The following PARN variants were observed in gnomAD, a reference collection of about 807,000 sequenced individuals.
The protein encoded by PARN is poly(A)-specific ribonuclease.
PARN carries 71 observed loss-of-function variants against 102.8 expected under a neutral mutation model. The ratio of observed to expected loss-of-function variants is 0.69; its 90% CI spans 0.57 to 0.84. The LOEUF is 0.84. PARN is among the 40% of genes least tolerant of loss of function. The pLI, the probability that PARN is intolerant of heterozygous loss-of-function variation, is 0.00. For synonymous variants in PARN, 261 were observed against 252.9 expected (o/e 1.03, Z -0.30); for missense variants, 782 against 760.9 (o/e 1.03, Z -0.33).
chr16:14,467,877 C>G (rs553383143), intron 22 of PARN, among the ~76,000 whole-genome samples: 3 of 152,212 alleles, frequency 2.0e-5, no homozygotes, highest in Non-Finnish European at 4.4e-5. Flanking sequence ...CTGAGCAGGA[C>G]AGTGAGTGGG....
chr16:14,560,755 G>A (rs1381090973), intron 18 of PARN, among the ~76,000 whole-genome samples: 2 of 152,220 alleles, frequency 1.3e-5, no homozygotes, highest in African/African-American at 2.4e-5. Flanking sequence ...AGGCTACACA[G>A]CATACGCTAC....
chr16:14,553,383 T>A (rs1967450834), intron 20 of PARN, among the ~76,000 whole-genome samples: 1 of 152,032 alleles, frequency 6.6e-6, no homozygotes, highest in African/African-American at 2.4e-5. Flanking sequence ...TTTAATAAAC[T>A]CCTCAAATAT....
chr16:14,526,769 G>C (rs1966034061), intron 21 of PARN, among the ~76,000 whole-genome samples: 1 of 152,182 alleles, frequency 6.6e-6, no homozygotes, highest in Non-Finnish European at 1.5e-5. Flanking sequence ...TCCAGTACTT[G>C]GAGCCGTCCA....
chr16:14,584,477 TAA>T, intron 15 of PARN, 55 bp from the exon 16 acceptor site: 1 of 1,419,092 alleles, frequency 7.0e-7, no homozygotes, highest in Non-Finnish European at 9.9e-7. Flanking sequence ...AACAATATAT[TAA>T]AGAGATTCAC....
At position 14,559,780 on chromosome 16, in the gene PARN, C is replaced by T. The variant is rs191097991; in HGVS notation, c.1263-4071G>A. Among the ~76,000 whole-genome samples the T allele has an allele frequency of 5.9e-5, 9 of 152,298 alleles. No individual in the cohort carries two copies. In the East Asian group the frequency reaches 1.4e-3, roughly 23 times the overall value. ...ATTAATAGCACTTCTCACTCTTTCC[C>T]TATACCTTCACCTTCACATCTGGGG... On this transcript the variant is annotated intron_variant, in intron 18 of 23. Transcript: ENST00000437198.
chr16:14,584,826 A>G (rs750729749), intron 14 of PARN, 35 bp from the exon 15 acceptor site: 9 of 1,197,522 alleles, frequency 7.5e-6, no homozygotes, highest in Admixed American at 7.5e-5. Context: ...AACAAAATGT[A>G]TATCAATGTT....
intron 21 of PARN, among the ~76,000 whole-genome samples, chr16:14,502,661 T>C (rs992831747): frequency 3.9e-5 from 6 of 152,254 alleles, no homozygotes; most frequent in Non-Finnish European, 8.8e-5. Flanking sequence ...CAAAATGTTA[T>C]GATGTAACTC....
chr16:14,554,942 C>T (rs1967568266), intron 19 of PARN, among the ~76,000 whole-genome samples: 1 of 152,184 alleles, frequency 6.6e-6, no homozygotes, highest in South Asian at 2.1e-4. Context: ...ATTTGTGCAG[C>T]TCTAAGCAAG....
At chr16:14,584,534 G>A (rs998652176) in intron 15 of PARN, 112 bp from the exon 16 acceptor site, 2 of 872,492 alleles carry the variant, frequency 2.3e-6, no homozygotes, top group South Asian at 3.3e-5. Flanking sequence ...GTCTCCTTGT[G>A]TTCTTTAAAG....
chr16:14,548,326 A>G (rs1280265122), intron 21 of PARN, among the ~76,000 whole-genome samples: 1 of 152,160 alleles, frequency 6.6e-6, no homozygotes, highest in East Asian at 1.9e-4. Flanking sequence ...CACCATTATA[A>G]AGAACAAATT....
At chr16:14,610,570 G>A in intron 7 of PARN, 74 bp downstream of exon 7, 1 of 888,796 alleles carries the variant, frequency 1.1e-6, no homozygotes, top group East Asian at 2.4e-5. Flanking sequence ...TAAAGCACAG[G>A]TTTGAGATAT....
In PARN at chr16:14,482,664, CAGGG is replaced by C; in HGVS notation, c.1640_1643del (p.Thr547SerfsTer17). The C allele has an allele frequency of 6.2e-7, 1 of 1,607,488 alleles. No homozygotes were observed. The highest frequency in any genetic ancestry group is 8.5e-7 in the Non-Finnish European group (1 of 1,177,686). On this transcript the variant is annotated frameshift_variant, in exon 22 of 24. Coordinates refer to ENST00000437198, the MANE Select transcript of PARN (RefSeq NM_002582.4). LOFTEE classifies it high-confidence loss of function. ...TATTGTTGCGGTAATAGTGATTCTGCAGGGTGTAGGGTATGCACTGGGGGTTTAA... is the reference window on the plus strand; with the variant it reads ...TATTGTTGCGGTAATAGTGATTCTGCTGTAGGGTATGCACTGGGGGTTTAA...
chr16:14,560,035 A>G (rs769957957), intron 18 of PARN, among the ~76,000 whole-genome samples: 1 of 152,222 alleles, frequency 6.6e-6, no homozygotes, highest in Non-Finnish European at 1.5e-5. Flanking sequence ...GCCCTTCTGA[A>G]GTAAAATTAA....
chr16:14,447,730 A>C (rs1373105033), intron 22 of PARN, among the ~76,000 whole-genome samples: 1 of 152,234 alleles, frequency 6.6e-6, no homozygotes, highest in African/African-American at 2.4e-5. Flanking sequence ...ATATAACTAG[A>C]TAAAAACAGC....
At chr16:14,615,984 T>C (rs532716737) in intron 6 of PARN, among the ~76,000 whole-genome samples, 5 of 152,284 alleles carry the variant, frequency 3.3e-5, no homozygotes, top group South Asian at 2.1e-4. Context: ...GAGAATTCAT[T>C]TGAAGTCCAT....
intron 22 of PARN, among the ~76,000 whole-genome samples, chr16:14,469,730 G>A (rs1287650139): frequency 2.7e-5 from 4 of 149,882 alleles, no homozygotes; most frequent in Non-Finnish European, 4.4e-5. Context: ...AAAGAACTAC[G>A]AGGAAAATGT....
intron 21 of PARN, among the ~76,000 whole-genome samples, chr16:14,517,260 A>G (rs1197826173): frequency 6.6e-6 from 1 of 152,250 alleles, no homozygotes; most frequent in Admixed American, 6.5e-5. Context: ...AGGTATATTA[A>G]CAAGCATAAT....
chr16:14,614,691 A>G (rs1398790784), intron 6 of PARN, among the ~76,000 whole-genome samples: 1 of 151,958 alleles, frequency 6.6e-6, no homozygotes, highest in Non-Finnish European at 1.5e-5. Flanking sequence ...TCTACTAAAA[A>G]TACAAAATTA....
At chr16:14,463,297 T>G (rs2151575207) in intron 22 of PARN, among the ~76,000 whole-genome samples, 1 of 152,200 alleles carries the variant, frequency 6.6e-6, no homozygotes, top group Middle Eastern at 3.4e-3. Flanking sequence ...CAAGAACATT[T>G]ATAGGAATAC....
Sources: gnomAD v4.1 joint callset for allele counts (sites outside exome capture counted in the v4.1 genomes callset) on GRCh38, gnomAD v4.1.1 for gene constraint, MANE v1.5 for transcripts, NCBI Gene and HGNC (gene_info 2026-07-23, HGNC 2026-07-21) for gene names.